NSUN7: variants seen among roughly 807,000 people sequenced by gnomAD.
The protein encoded by NSUN7 is NOP2/Sun RNA methyltransferase family member 7, also known as protein NSUN7.
NSUN7 carries 39 observed loss-of-function variants against 58.5 expected under a neutral mutation model. The ratio of observed to expected loss-of-function variants is 0.67; its 90% confidence interval spans 0.52 to 0.87. NSUN7 has a LOEUF of 0.87. Among genes scored for constraint, NSUN7 ranks in the 40% least tolerant of loss-of-function variants. NSUN7 has a pLI of 0.00. For synonymous variants in NSUN7, 278 were observed against 303.7 expected (o/e 0.92, Z 0.88); for missense variants, 765 against 844.1 (o/e 0.91, Z 1.16).
chr4:40,809,170 C>G lies in NSUN7; in HGVS notation c.*231C>G. The G allele has an allele frequency of 2.2e-6, 1 of 447,074 alleles. No individual in the cohort carries two copies. Among genetic ancestry groups the G allele is most frequent in the South Asian group, 4.6e-5 (1 of 21,792 alleles). The allele number at this position is 447,074 out of a possible 1,614,324, so 27.7% of individuals were successfully genotyped here. A position where few individuals can be genotyped will look rare whatever the true frequency, so the allele number is the denominator to read the frequency against. The stretch of plus-strand genomic sequence containing the variant: ...CCAATCACTGCTGCTCTGAGAGGAT[C>G]CAGTTAGAGACTCAGTATCAGCGGT... On this transcript the variant is annotated 3_prime_UTR_variant, in exon 12 of 12. Transcript: ENST00000381782.
intron 10 of NSUN7, among the ~76,000 whole-genome samples, chr4:40,802,783 C>CT (rs34373539): frequency 0.21 from 28,781 of 138,846 alleles, 3,241 homozygotes; most frequent in East Asian, 0.37. Context: ...GCATTCTATT[C>CT]TTTTTTTTTT....
chr4:40,794,000 G>T (rs1171322559), intron 8 of NSUN7, among the ~76,000 whole-genome samples: 1 of 152,006 alleles, frequency 6.6e-6, no homozygotes, highest in Non-Finnish European at 1.5e-5. Flanking sequence ...TCTGACTATA[G>T]CCCATTCGTT....
rs781163097 is a variant in NSUN7, at chr4:40,776,029, A to G, written c.826-20A>G. The G allele has an allele frequency of 4.8e-5, 72 of 1,490,758 alleles. No homozygotes were observed. The highest frequency in any genetic ancestry group is 1.8e-6 in the Non-Finnish European group (2 of 1,086,724). The allele number at this position is 1,490,758 out of a possible 1,614,324, so 92.3% of individuals were successfully genotyped here. The stretch of plus-strand genomic sequence containing the variant: ...TCTAGCCATACCCTTTGAAATTCTA[A>G]TCATACCATTATCTTACAGGACAAA... On this transcript the variant is annotated intron_variant, in intron 6 of 11. Coordinates refer to ENST00000381782, the MANE Select transcript of NSUN7 (RefSeq NM_024677.6).
chr4:40,766,952 G>T lies in NSUN7; in HGVS notation c.488+5651G>T, dbSNP rs1409998245. Reference sequence around the variant, plus strand: ...TATCCCCTTTATCATTTTTTATTGCGTCTATTTGATTCTTCTCTCTTTTTT... The same window carrying T: ...TATCCCCTTTATCATTTTTTATTGCTTCTATTTGATTCTTCTCTCTTTTTT... On this transcript the variant is annotated intron_variant, in intron 4 of 11. Coordinates refer to ENST00000381782, the MANE Select transcript of NSUN7 (RefSeq NM_024677.6). Among the ~76,000 whole-genome samples, 4 of 149,988 alleles carry T rather than the reference G, an allele frequency of 2.7e-5. No homozygotes were observed. In the South Asian group the frequency reaches 6.4e-4, roughly 24 times the overall value.
chr4:40,777,664 A>G (rs1311143817), intron 7 of NSUN7, among the ~76,000 whole-genome samples: 1 of 152,248 alleles, frequency 6.6e-6, no homozygotes, highest in African/African-American at 2.4e-5. Flanking sequence ...TCAATTTTAT[A>G]AAACACTGAC....
chr4:40,752,998 T>C (rs1740915397), intron 2 of NSUN7, among the ~76,000 whole-genome samples: 1 of 152,192 alleles, frequency 6.6e-6, no homozygotes, highest in Non-Finnish European at 1.5e-5. Context: ...AACATTTTTA[T>C]ACTTTTTTTC....
At chr4:40,804,670 A>C (rs191373363) in intron 10 of NSUN7, among the ~76,000 whole-genome samples, 186 of 152,226 alleles carry the variant, frequency 1.2e-3, no homozygotes, top group African/African-American at 4.3e-3. Flanking sequence ...TTACCTAGTA[A>C]GAGTGGAGGG....
intron 4 of NSUN7, among the ~76,000 whole-genome samples, chr4:40,768,017 G>A (rs1446122103): frequency 3.9e-5 from 6 of 152,092 alleles, no homozygotes; most frequent in Non-Finnish European, 8.8e-5. Context: ...GTCAGGTGCA[G>A]TCTCTCGAGC....
At chr4:40,751,046 T>G in intron 2 of NSUN7, 55 bp downstream of exon 2, 1 of 1,577,286 alleles carries the variant, frequency 6.3e-7, no homozygotes, top group Non-Finnish European at 8.6e-7. Context: ...AGCGAGAGAA[T>G]TTGGGGAATG....
Position 40,750,886 on chromosome 4 carries a change from A to G in NSUN7, c.193A>G (p.Lys65Glu). ...TATTCGAATCGAAAAGTCGGCACAGAAAGTCTTAATCAAGTATGGGAATGA... is the reference window on the plus strand; with the variant it reads ...TATTCGAATCGAAAAGTCGGCACAGGAAGTCTTAATCAAGTATGGGAATGA... ...QGIRIEKSAQKVLIKYGNEPL... is the reference protein window; with the variant it reads ...QGIRIEKSAQEVLIKYGNEPL... The change falls in exon 2 of 12, where the codon AAA (lysine) becomes GAA (glutamate). Residue 65 changes from lysine (K) to glutamate (E), a missense_variant. Transcript: ENST00000381782. The G allele has an allele frequency of 6.2e-7, 1 of 1,614,192 alleles. No individual in the cohort carries two copies. The highest frequency in any genetic ancestry group is 2.2e-5 in the East Asian group (1 of 44,882).
chr4:40,774,319 C>A lies in NSUN7; in HGVS notation c.543C>A (p.Ala181=). ...CAAGATGTCGAATCAAGCATGATGC[C>A]CTTTCAATTTACCACATCCTTCCAG... ...ALARCRIKHD[A]LSIYHILPET... is the part of the protein sequence containing the mutation. The change falls in exon 5 of 12, where the codon GCC becomes GCA. Residue 181 remains alanine, a synonymous_variant. Coordinates refer to ENST00000381782, the MANE Select transcript of NSUN7 (RefSeq NM_024677.6). 6.2e-7 allele frequency: 1 copy of A among 1,613,870 alleles called. No homozygotes were observed. Among genetic ancestry groups the A allele is most frequent in the Non-Finnish European group, 8.5e-7 (1 of 1,179,910 alleles).
intron 3 of NSUN7, 63 bp downstream of exon 3, chr4:40,760,555 A>C: frequency 8.8e-6 from 12 of 1,357,546 alleles, no homozygotes; most frequent in Non-Finnish European, 1.0e-6. Context: ...AAAGTGTTTA[A>C]AAGCCTTTAG....
At chr4:40,806,187 G>A (rs935267659) in intron 10 of NSUN7, among the ~76,000 whole-genome samples, 1 of 151,994 alleles carries the variant, frequency 6.6e-6, no homozygotes, top group Non-Finnish European at 1.5e-5. Context: ...CAGAGACGGG[G>A]TTTCACCATG....
chr4:40,751,043 G>T, intron 2 of NSUN7, 52 bp downstream of exon 2: 2 of 1,577,180 alleles, frequency 1.3e-6, no homozygotes, highest in South Asian at 1.2e-5. Flanking sequence ...AATAGCGAGA[G>T]AATTTGGGGA....
At chr4:40,752,826 C>T (rs1231427033) in intron 2 of NSUN7, among the ~76,000 whole-genome samples, 1 of 7,664 alleles carries the variant, frequency 1.3e-4, no homozygotes, top group Non-Finnish European at 2.8e-4. Flanking sequence ...CAGAGAGTCT[C>T]TTTGTTTTTT....
At chr4:40,779,978 T>TA (rs981672055) in intron 7 of NSUN7, among the ~76,000 whole-genome samples, 1 of 151,936 alleles carries the variant, frequency 6.6e-6, no homozygotes, top group African/African-American at 2.4e-5. Context: ...AATATGAGTC[T>TA]AAAAAAAGAT....
Position 40,811,039 on chromosome 4 carries a change from G to C in NSUN7, c.*2100G>C, listed in dbSNP as rs1744296177. On this transcript the variant is annotated 3_prime_UTR_variant, in exon 12 of 12. Coordinates refer to ENST00000381782, the MANE Select transcript of NSUN7 (RefSeq NM_024677.6). ...GTCTCATTGTTATGGAATAGTTTAG[G>C]ATAATTTTCTGATCTCTACAGTAGC... 6.6e-6 allele frequency: 1 copy of C among 152,126 alleles called. No homozygotes were observed. The highest frequency in any genetic ancestry group is 1.5e-5 in the Non-Finnish European group (1 of 68,024). 9.4% of individuals were successfully genotyped at this position (152,126 alleles called of 1,614,324 possible). A position where few individuals can be genotyped will look rare whatever the true frequency, so the allele number is the denominator to read the frequency against.
rs370179184 is a variant in NSUN7, at chr4:40,803,613, TTTTAA to T, written c.1401-3446_1401-3442del. Among the ~76,000 whole-genome samples, 363 of 152,378 alleles carry T rather than the reference TTTTAA, an allele frequency of 2.4e-3. 2 individuals carry two copies. Among genetic ancestry groups the T allele is most frequent in the African/African-American group, 8.1e-3 (337 of 41,584 alleles). On this transcript the variant is annotated intron_variant, in intron 10 of 11. Transcript: ENST00000381782. ...CATCAAGTATAGGTAACTATTCCTA[TTTTAA>T]TAAGCTTTTTGAGATGTAATTCACA...
intron 4 of NSUN7, among the ~76,000 whole-genome samples, chr4:40,767,085 A>T (rs1741773986): frequency 6.7e-6 from 1 of 149,568 alleles, no homozygotes; most frequent in Admixed American, 6.7e-5. Flanking sequence ...TATTTCCTTC[A>T]GTTCTGCTCT....
Sources: gnomAD v4.1 joint callset for allele counts (sites outside exome capture counted in the v4.1 genomes callset) on GRCh38, gnomAD v4.1.1 for gene constraint, MANE v1.5 for transcripts, NCBI Gene and HGNC (gene_info 2026-07-23, HGNC 2026-07-21) for gene names.